The following ATG7 variants were observed in gnomAD, a reference collection of about 807,000 sequenced individuals.
The protein encoded by ATG7 is ubiquitin-like modifier-activating enzyme ATG7.
In ATG7, 70 loss-of-function variants were observed where a neutral mutation model predicts 82.4. The observed-to-expected ratio is 0.85, with a 90% CI of 0.70 to 1.04. The LOEUF is 1.04. Ranked by LOEUF, ATG7 falls within the 50% of genes least tolerant of loss-of-function variation. The pLI, the probability that ATG7 is intolerant of heterozygous loss-of-function variation, is 0.00. For synonymous variants in ATG7, 287 were observed against 313.0 expected (o/e 0.92, Z 0.88); for missense variants, 792 against 864.3 (o/e 0.92, Z 1.05).
At chr3:11,567,137 A>C in the ATG7 span, among the ~76,000 whole-genome samples, 2 of 152,176 alleles carry the variant, frequency 1.3e-5, no homozygotes, top group African/African-American at 4.8e-5. Flanking sequence ...CATCTCCAGC[A>C]GGGGCACGCG....
chr3:11,537,016 G>C (rs1236953305), intron 20 of ATG7, among the ~76,000 whole-genome samples: 1 of 152,004 alleles, frequency 6.6e-6, no homozygotes, highest in East Asian at 1.9e-4. Flanking sequence ...CTGCAGTTTA[G>C]AATAAACCCA....
rs766570966 is a variant in ATG7, at chr3:11,307,020, C to A, written c.293C>A (p.Thr98Asn). 1.2e-6 allele frequency: 2 copies of A among 1,614,092 alleles called. No individual in the cohort carries two copies. The highest frequency in any genetic ancestry group is 3.3e-5 in the Admixed American group (2 of 60,020). ...ACCAACACACTCGAGTCTTTCAAGA[C>A]TGCAGATAAGAAGCTCCTTTTGGAA... ...YNTNTLESFK[T>N]ADKKLLLEQA... Residue 98 changes from threonine (T) to asparagine (N), a missense_variant, in exon 6 of 21, where the codon ACT (threonine) becomes AAT (asparagine). Physicochemically the swap from Thr to Asn is moderately conservative, Grantham distance 65 (BLOSUM62 0). Transcript: ENST00000693202.
At chr3:11,342,301 C>T in intron 13 of ATG7, 22 bp downstream of exon 13, 2 of 1,599,552 alleles carry the variant, frequency 1.3e-6, no homozygotes, top group African/African-American at 1.3e-5. Flanking sequence ...GTGGGGGGTG[C>T]AAATGGCACC....
At chr3:11,285,631 A>T (rs975728581) in intron 3 of ATG7, among the ~76,000 whole-genome samples, 1 of 152,004 alleles carries the variant, frequency 6.6e-6, no homozygotes, top group Admixed American at 6.5e-5. Context: ...TGGCCTTCTC[A>T]AGTCAGTAGC....
chr3:11,449,385 C>CA (rs1369611537), intron 20 of ATG7, among the ~76,000 whole-genome samples: 1 of 152,098 alleles, frequency 6.6e-6, no homozygotes, highest in African/African-American at 2.4e-5. Flanking sequence ...CCAACAACAA[C>CA]AAAAAACCCT....
intron 3 of ATG7, among the ~76,000 whole-genome samples, chr3:11,297,819 A>T (rs940108404): frequency 5.3e-5 from 8 of 152,146 alleles, no homozygotes; most frequent in Non-Finnish European, 1.5e-5. Flanking sequence ...GAGTGGCTGG[A>T]TTTAGGATTT....
chr3:11,379,790 T>G (rs921318717), intron 18 of ATG7, among the ~76,000 whole-genome samples, 182 bp from the exon 19 acceptor site: 1 of 152,228 alleles, frequency 6.6e-6, no homozygotes, highest in African/African-American at 2.4e-5. Context: ...CCTAATATAG[T>G]TCTTCTGCAA....
intron 20 of ATG7, among the ~76,000 whole-genome samples, chr3:11,427,932 A>T (rs1304114159): frequency 6.6e-6 from 1 of 152,214 alleles, no homozygotes; most frequent in Non-Finnish European, 1.5e-5. Flanking sequence ...AATTCCTCAG[A>T]ATTGATGAGT....
intron 19 of ATG7, among the ~76,000 whole-genome samples, chr3:11,423,686 C>G: frequency 6.6e-6 from 1 of 151,920 alleles, no homozygotes; most frequent in East Asian, 1.9e-4. Context: ...GGGCTTGACT[C>G]TACGCACGTA....
At chr3:11,429,939 C>T (rs1478979708) in intron 20 of ATG7, among the ~76,000 whole-genome samples, 1 of 118,844 alleles carries the variant, frequency 8.4e-6, no homozygotes, top group African/African-American at 3.0e-5. Flanking sequence ...GAGCGAGACT[C>T]TGTCTCAGGA....
chr3:11,486,772 C>CT (rs1184034901), intron 20 of ATG7, among the ~76,000 whole-genome samples: 1 of 149,148 alleles, frequency 6.7e-6, no homozygotes, highest in Non-Finnish European at 1.5e-5. Flanking sequence ...TGTCAAAGGC[C>CT]TTTTTTGCAT....
chr3:11,560,777 A>G (rs1444396798), downstream of ATG7, among the ~76,000 whole-genome samples: 1 of 152,176 alleles, frequency 6.6e-6, no homozygotes. Context: ...AGAGCTGCCC[A>G]GGGTTCGTAC....
intron 19 of ATG7, among the ~76,000 whole-genome samples, chr3:11,387,565 T>C (rs1387107362): frequency 6.6e-6 from 1 of 152,182 alleles, no homozygotes; most frequent in Non-Finnish European, 1.5e-5. Flanking sequence ...TTCCTTTTAG[T>C]TTGGAATTAA....
chr3:11,541,480 T>C (rs566549973), intron 20 of ATG7, among the ~76,000 whole-genome samples: 19 of 152,340 alleles, frequency 1.2e-4, no homozygotes, highest in African/African-American at 4.1e-4. Flanking sequence ...TGGGTCAGTG[T>C]CTGCCTTGTT....
intron 20 of ATG7, among the ~76,000 whole-genome samples, chr3:11,440,429 A>G (rs1167218518): frequency 1.5e-3 from 200 of 137,344 alleles, no homozygotes; most frequent in Non-Finnish European, 2.0e-3. Flanking sequence ...GGTTCACGCC[A>G]TTCTCCTGCC....
At position 11,331,443 on chromosome 3, in the gene ATG7, G is replaced by T; in HGVS notation, c.767+15G>T. The T allele has an allele frequency of 3.2e-6, 5 of 1,560,706 alleles. No homozygotes were observed. The highest frequency in any genetic ancestry group is 4.4e-6 in the Non-Finnish European group (5 of 1,131,608). Reference sequence around the variant, plus strand: ...GCCCACAGATGGTATTTACAAGAGTGTGTGTTTGTCTGTCTGTCTGCCTTT... The same window carrying T: ...GCCCACAGATGGTATTTACAAGAGTTTGTGTTTGTCTGTCTGTCTGCCTTT... On this transcript the variant is annotated intron_variant, in intron 10 of 20. Coordinates refer to ENST00000693202, the MANE Select transcript of ATG7 (RefSeq NM_001349232.2).
chr3:11,384,729 G>C (rs2078182320), intron 19 of ATG7, among the ~76,000 whole-genome samples: 1 of 152,186 alleles, frequency 6.6e-6, no homozygotes, highest in African/African-American at 2.4e-5. Context: ...TGGGGGCTGA[G>C]GTGGGCAGAT....
intron 20 of ATG7, among the ~76,000 whole-genome samples, chr3:11,470,932 A>G (rs1322245680): frequency 1.3e-5 from 2 of 152,200 alleles, no homozygotes; most frequent in Non-Finnish European, 1.5e-5. Flanking sequence ...CTTCTCCAGA[A>G]TTATTCTCCA....
intron 9 of ATG7, among the ~76,000 whole-genome samples, chr3:11,329,225 T>C (rs1266576257): frequency 6.6e-6 from 1 of 152,230 alleles, no homozygotes; most frequent in Admixed American, 6.5e-5. Flanking sequence ...AAGATGTTAA[T>C]AGTTCTCTCA....
Sources: gnomAD v4.1 joint callset for allele counts (sites outside exome capture counted in the v4.1 genomes callset) on GRCh38, gnomAD v4.1.1 for gene constraint, MANE v1.5 for transcripts, NCBI Gene and HGNC (gene_info 2026-07-23, HGNC 2026-07-21) for gene names.